Variants in CCDC28A observed in about 807,000 individuals in gnomAD.
The protein encoded by CCDC28A is coiled-coil domain containing 28A.
CCDC28A carries 24 observed loss-of-function variants against 22.1 expected under a neutral mutation model. That is an observed-to-expected ratio of 1.09 (90% CI 0.79 to 1.53). The LOEUF is 1.53. CCDC28A is among the 40% of genes most tolerant of loss of function. CCDC28A has a pLI of 0.00. For missense variants in CCDC28A, 170 were observed against 210.7 expected (o/e 0.81, Z 1.20); for synonymous variants, 83 against 74.7 (o/e 1.11, Z -0.57).
chr6:138,779,713 T>C (rs1420208798), intron 2 of CCDC28A, 109 bp from the exon 3 acceptor site: 2 of 777,848 alleles, frequency 2.6e-6, no homozygotes, highest in Admixed American at 6.6e-5. Context: ...TAGTATTGAC[T>C]CTATTTGATT....
At chr6:138,790,981 C>T (rs538652429) in intron 5 of CCDC28A, among the ~76,000 whole-genome samples, 126 of 152,188 alleles carry the variant, frequency 8.3e-4, no homozygotes, top group African/African-American at 2.9e-3. Context: ...TTGCACTGTT[C>T]AATATAGTAG....
chr6:138,780,841 GGATCGCAGGCGT>G (rs1405787902), intron 3 of CCDC28A, among the ~76,000 whole-genome samples: 2 of 152,020 alleles, frequency 1.3e-5, no homozygotes, highest in East Asian at 3.9e-4. Context: ...CAAGGTGCTG[GGATCGCAGGCGT>G]GAGCCACCGC....
chr6:138,789,008 T>C (rs1301255389), intron 5 of CCDC28A, among the ~76,000 whole-genome samples: 1 of 152,152 alleles, frequency 6.6e-6, no homozygotes, highest in African/African-American at 2.4e-5. Flanking sequence ...AAACTAGACA[T>C]TAAAATGCAG....
chr6:138,786,516 G>A (rs1318911083), intron 4 of CCDC28A, among the ~76,000 whole-genome samples: 3 of 152,186 alleles, frequency 2.0e-5, no homozygotes, highest in Non-Finnish European at 2.9e-5. Flanking sequence ...ATAAGTAAAT[G>A]TGAGGGAACT....
At chr6:138,789,107 C>T (rs1583525018) in intron 5 of CCDC28A, among the ~76,000 whole-genome samples, 2 of 152,100 alleles carry the variant, frequency 1.3e-5, no homozygotes, top group African/African-American at 4.8e-5. Flanking sequence ...AAGGACATCA[C>T]CAAGACACAT....
intron 4 of CCDC28A, among the ~76,000 whole-genome samples, chr6:138,787,430 TC>T (rs1775109850): frequency 6.6e-6 from 1 of 152,138 alleles, no homozygotes; most frequent in Admixed American, 6.6e-5. Context: ...GAGGTAAATT[TC>T]TATTGTTTAT....
At chr6:138,778,167 T>TC (rs912787352) in intron 2 of CCDC28A, among the ~76,000 whole-genome samples, 15 of 152,190 alleles carry the variant, frequency 9.9e-5, no homozygotes, top group African/African-American at 3.6e-4. Flanking sequence ...TCACCTACTT[T>TC]CCCTGGGCAT....
intron 3 of CCDC28A, among the ~76,000 whole-genome samples, chr6:138,783,363 A>T (rs139196325): frequency 7.0e-6 from 1 of 142,954 alleles, no homozygotes; most frequent in African/African-American, 2.6e-5. Flanking sequence ...GGCCTCCTTG[A>T]GCTCAAGCCA....
intron 5 of CCDC28A, among the ~76,000 whole-genome samples, chr6:138,790,843 T>C (rs1270338518): frequency 6.6e-6 from 1 of 152,212 alleles, no homozygotes; most frequent in East Asian, 1.9e-4. Context: ...GCCATCTCTT[T>C]ATTACAGTTG....
Position 138,779,964 on chromosome 6 carries a change from T to C in CCDC28A, c.301T>C (p.Ser101Pro). Residue 101 changes from serine to proline, a missense_variant, in exon 3 of 6, where the codon TCT (serine) becomes CCT (proline). By Grantham distance (74) the Ser-to-Pro change is moderately conservative. Coordinates refer to ENST00000617445, the MANE Select transcript of CCDC28A (RefSeq NM_015439.3). Reference sequence around the variant, plus strand: ...GCTCAGTCTTTTGAATGATTTCCACTCTGGAAAACTTCAAGCATTTGGTAA... The same window carrying C: ...GCTCAGTCTTTTGAATGATTTCCACCCTGGAAAACTTCAAGCATTTGGTAA... The part of the protein sequence containing the change: ...GLLSLLNDFH[S>P]GKLQAFGNEC... 6.2e-7 allele frequency: 1 copy of C among 1,609,674 alleles called. No individual in the cohort carries two copies. Among genetic ancestry groups the C allele is most frequent in the East Asian group, 2.2e-5 (1 of 44,764 alleles).
intron 4 of CCDC28A, among the ~76,000 whole-genome samples, 159 bp downstream of exon 4, chr6:138,785,540 G>A (rs1775083933): frequency 6.6e-6 from 1 of 152,136 alleles, no homozygotes; most frequent in Non-Finnish European, 1.5e-5. Flanking sequence ...CACCACCCCA[G>A]AAAGAAACCC....
chr6:138,774,023 A>G, intron 1 of CCDC28A, 121 bp downstream of exon 1: 1 of 1,219,452 alleles, frequency 8.2e-7, no homozygotes. Flanking sequence ...GGGAAGGGGA[A>G]TGAGGTGATG....
intron 2 of CCDC28A, among the ~76,000 whole-genome samples, chr6:138,777,584 A>C (rs955242060): frequency 2.6e-5 from 4 of 151,914 alleles, no homozygotes; most frequent in Non-Finnish European, 5.9e-5. Flanking sequence ...GAGGGCCAGG[A>C]CTCTCTGGAT....
At chr6:138,780,059 CTTCT>C in intron 3 of CCDC28A, 74 bp downstream of exon 3, 1 of 1,127,654 alleles carries the variant, frequency 8.9e-7, no homozygotes, top group Non-Finnish European at 1.2e-6. Flanking sequence ...GTATTTTACT[CTTCT>C]TTTCAAAGTG....
chr6:138,784,433 C>G (rs2114907375), intron 3 of CCDC28A, among the ~76,000 whole-genome samples: 1 of 150,926 alleles, frequency 6.6e-6, no homozygotes, highest in South Asian at 2.1e-4. Flanking sequence ...TCACTGCAAC[C>G]TTCACCTGCT....
Position 138,777,092 on chromosome 6 carries a change from T to C in CCDC28A, c.158+814T>C, listed in dbSNP as rs372691655. 7.9e-5 allele frequency among the ~76,000 whole-genome samples: 12 copies of C among 152,122 alleles called. No homozygotes were observed. The East Asian group carries it at 9.6e-4, about 12-fold the overall frequency. ...ATATTTGGAAGGGAAGATTATAGCT[T>C]TAGAGGAAAAAAAGTGTTGTATAAT... is the stretch of plus-strand genomic sequence containing the variant. On this transcript the variant is annotated intron_variant, in intron 2 of 5. Coordinates refer to ENST00000617445, the MANE Select transcript of CCDC28A (RefSeq NM_015439.3).
At chr6:138,777,375 T>G (rs1351348271) in intron 2 of CCDC28A, among the ~76,000 whole-genome samples, 2 of 152,238 alleles carry the variant, frequency 1.3e-5, no homozygotes, top group African/African-American at 4.8e-5. Context: ...TCGAATAAAT[T>G]ATCAGAATGG....
chr6:138,784,786 C>T (rs7773593), intron 3 of CCDC28A, among the ~76,000 whole-genome samples: 42,187 of 151,782 alleles, frequency 0.28, 6,480 homozygotes, highest in African/African-American at 0.41. Flanking sequence ...CTCTGTCTCC[C>T]GGGTTCAAGC....
At chr6:138,784,971 C>T (rs1044490136) in intron 3 of CCDC28A, among the ~76,000 whole-genome samples, 29 of 152,152 alleles carry the variant, frequency 1.9e-4, no homozygotes, top group South Asian at 6.2e-4. Flanking sequence ...GGATTACAGG[C>T]GTGAGCCACC....
Sources: gnomAD v4.1 joint callset for allele counts (sites outside exome capture counted in the v4.1 genomes callset) on GRCh38, gnomAD v4.1.1 for gene constraint, MANE v1.5 for transcripts, NCBI Gene and HGNC (gene_info 2026-07-23, HGNC 2026-07-21) for gene names.